The following MAML3 variants were observed in gnomAD, a reference collection of about 807,000 sequenced individuals.
The protein encoded by MAML3 is mastermind-like protein 3.
In MAML3, 27 loss-of-function variants were observed where a neutral mutation model predicts 101.9. The observed-to-expected ratio is 0.27, with a 90% CI of 0.20 to 0.37. The LOEUF (loss-of-function observed/expected upper bound fraction) is 0.37. Among genes scored for constraint, MAML3 ranks in the 10% least tolerant of loss-of-function variants. The probability of loss-of-function intolerance (pLI) is 1.00; values close to 1 mark genes in which losing one functional copy is unlikely to be tolerated. For missense variants in MAML3, 1,316 were observed against 1,444.9 expected (o/e 0.91, Z 1.45); for synonymous variants, 501 against 555.9 (o/e 0.90, Z 1.39).
intron 1 of MAML3, among the ~76,000 whole-genome samples, chr4:139,960,611 GA>G (rs1733993986): frequency 6.6e-6 from 1 of 152,176 alleles, no homozygotes; most frequent in Non-Finnish European, 1.5e-5. Context: ...AAGCCTCAAA[GA>G]GTTAGTAGAT....
rs776191123 is a variant in MAML3, at chr4:139,889,927, C to CTGTTGCTGT, written c.1508_1509insACAGCAACA (p.Gln508_Gln510dup). The CTGTTGCTGT allele has an allele frequency of 2.4e-6, 3 of 1,268,396 alleles. No homozygotes were observed. Among genetic ancestry groups the CTGTTGCTGT allele is most frequent in the Non-Finnish European group, 3.2e-6 (3 of 949,338 alleles). 78.6% of individuals were successfully genotyped at this position (1,268,396 alleles called of 1,614,324 possible). ...AGTGCTGTTGCTGCTGCTGCTGCTG[C>CTGTTGCTGT]TGCTGCTGCTGCTGCTGCTGCTGCT... On this transcript the variant is annotated inframe_insertion, in exon 2 of 5. Transcript: ENST00000509479.
intron 1 of MAML3, among the ~76,000 whole-genome samples, chr4:139,913,887 G>A (rs140633913): frequency 0.011 from 1,628 of 152,242 alleles, 25 homozygotes; most frequent in African/African-American, 0.037. Context: ...CTTGCTCTCT[G>A]CCTTTAAAAT....
intron 1 of MAML3, among the ~76,000 whole-genome samples, chr4:139,926,788 CATA>C (rs1733271981): frequency 6.6e-6 from 1 of 152,190 alleles, no homozygotes; most frequent in African/African-American, 2.4e-5. Flanking sequence ...ATAACCATAG[CATA>C]ATTATCCTCA....
At chr4:139,939,675 A>G (rs182547068) in intron 1 of MAML3, among the ~76,000 whole-genome samples, 1 of 151,796 alleles carries the variant, frequency 6.6e-6, no homozygotes, top group Non-Finnish European at 1.5e-5. Flanking sequence ...ATTCAACTAT[A>G]CATTCCGTGA....
At chr4:139,794,338 A>G (rs567687295) in intron 2 of MAML3, 1 of 152,308 alleles carries the variant, frequency 6.6e-6, no homozygotes, top group African/African-American at 2.4e-5. Context: ...GAAGGTGAGG[A>G]GGGAGGCAGA....
At chr4:139,908,056 G>A (rs1455490138) in intron 1 of MAML3, among the ~76,000 whole-genome samples, 1 of 152,154 alleles carries the variant, frequency 6.6e-6, no homozygotes, top group East Asian at 1.9e-4. Context: ...CGTCTCTCAT[G>A]GCCAAGCTGT....
At position 139,892,643 on chromosome 4, in the gene MAML3, A is replaced by G. The variant is rs139876411; in HGVS notation, c.469-1676T>C. On this transcript the variant is annotated intron_variant, in intron 1 of 4. Transcript: ENST00000509479. ...AAATAGACTGCCTTTCTTGTGTATA[A>G]CTCTGCAATGATTTCCACTGTCTTT... is the stretch of plus-strand genomic sequence containing the variant. 1.4e-3 allele frequency among the ~76,000 whole-genome samples: 208 copies of G among 151,102 alleles called. 4 individuals carry two copies. The East Asian group carries it at 0.037, about 27-fold the overall frequency.
In MAML3 at chr4:139,785,703, C is replaced by T. The variant is rs28459495; in HGVS notation, c.2080-55036G>A. Among the ~76,000 whole-genome samples the T allele has an allele frequency of 0.11, 16,269 of 151,926 alleles. 1,026 individuals carry two copies. Among genetic ancestry groups the T allele is most frequent in the African/African-American group, 0.17 (6,839 of 41,414 alleles). On this transcript the variant is annotated intron_variant, in intron 2 of 4. Coordinates refer to ENST00000509479, the MANE Select transcript of MAML3 (RefSeq NM_018717.5). The surrounding 1 kb of genome is among the most constrained non-coding windows in gnomAD (Gnocchi z 4.3). ...TTTTTCCTGTGATAAAACAGATTTC[C>T]TGAATTTAAAATGCTACTGAGGGTT...
At chr4:140,035,540 G>A (rs750551838) in intron 1 of MAML3, among the ~76,000 whole-genome samples, 6 of 152,174 alleles carry the variant, frequency 3.9e-5, no homozygotes, top group South Asian at 4.1e-4. Flanking sequence ...GCTCACGCCT[G>A]TAATCCCAGC....
chr4:139,719,384 A>C lies in MAML3; in HGVS notation c.3356T>G (p.Ile1119Ser). Residue 1119 changes from isoleucine to serine, a missense_variant, in exon 5 of 5, where the codon ATC becomes AGC. By Grantham distance (142) the Ile-to-Ser change is moderately radical. Transcript: ENST00000509479. Reference sequence around the variant, plus strand: ...CCACTCGTCCCCTGGCCCGCCTTTGATGATGGAGTCCACAAGGTCTGCACC... The same window carrying C: ...CCACTCGTCCCCTGGCCCGCCTTTGCTGATGGAGTCCACAAGGTCTGCACC... Reference protein sequence around the residue: ...PDGADLVDSIIKGGPGDEWMQ... With the variant: ...PDGADLVDSISKGGPGDEWMQ... 6.2e-7 allele frequency: 1 copy of C among 1,613,080 alleles called. No individual in the cohort carries two copies. Among genetic ancestry groups the C allele is most frequent in the East Asian group, 2.2e-5 (1 of 44,858 alleles).
intron 2 of MAML3, among the ~76,000 whole-genome samples, chr4:139,809,503 G>A (rs142926976): frequency 5.9e-5 from 9 of 152,256 alleles, no homozygotes; most frequent in South Asian, 4.1e-4. Flanking sequence ...CCCTTCCAAC[G>A]TAGCTTATGG....
intron 1 of MAML3, among the ~76,000 whole-genome samples, chr4:140,040,468 G>T (rs1294129385): frequency 6.6e-6 from 1 of 152,134 alleles, no homozygotes. Context: ...AACAAGTAAT[G>T]CAACTCTCCC....
At chr4:139,761,602 A>G (rs1729761950) in intron 2 of MAML3, among the ~76,000 whole-genome samples, 1 of 152,228 alleles carries the variant, frequency 6.6e-6, no homozygotes, top group Non-Finnish European at 1.5e-5. Flanking sequence ...TCATCCAGCA[A>G]GTATTCGCTG....
chr4:140,108,329 G>A (rs1439477835), intron 1 of MAML3, among the ~76,000 whole-genome samples: 1 of 151,814 alleles, frequency 6.6e-6, no homozygotes, highest in Non-Finnish European at 1.5e-5. Context: ...CCCAGTACAT[G>A]TCTATTATGG....
chr4:139,934,126 TATGTGTGAATGTC>T (rs1196538401), intron 1 of MAML3, among the ~76,000 whole-genome samples: 11 of 152,088 alleles, frequency 7.2e-5, no homozygotes, highest in African/African-American at 2.4e-5. Flanking sequence ...TGAATACGTG[TATGTGTGAATGTC>T]ATGTGTGAAT....
chr4:139,821,351 C>T (rs1730968607), intron 2 of MAML3, among the ~76,000 whole-genome samples: 1 of 152,144 alleles, frequency 6.6e-6, no homozygotes, highest in Admixed American at 6.5e-5. Flanking sequence ...TCAGCAGTGG[C>T]ATTAGATTCT....
At chr4:139,878,353 G>A (rs1732152005) in intron 2 of MAML3, among the ~76,000 whole-genome samples, 1 of 152,134 alleles carries the variant, frequency 6.6e-6, no homozygotes, top group South Asian at 2.1e-4. Flanking sequence ...AGGTAGCACT[G>A]ACTACTCGCT....
At chr4:140,019,491 G>A (rs1372979749) in intron 1 of MAML3, among the ~76,000 whole-genome samples, 1 of 152,202 alleles carries the variant, frequency 6.6e-6, no homozygotes, top group Non-Finnish European at 1.5e-5. Flanking sequence ...ATGAATGCAT[G>A]AACAAATAGA....
chr4:140,128,432 AC>A (rs1022678799), intron 1 of MAML3, among the ~76,000 whole-genome samples: 4 of 152,172 alleles, frequency 2.6e-5, no homozygotes, highest in Non-Finnish European at 4.4e-5. Context: ...TATCCAAAGT[AC>A]TATTTCAGAC....
Sources: gnomAD v4.1 joint callset for allele counts (sites outside exome capture counted in the v4.1 genomes callset) on GRCh38, gnomAD v4.1.1 for gene constraint, Gnocchi (gnomAD v3.1) non-coding constraint, MANE v1.5 for transcripts, NCBI Gene and HGNC (gene_info 2026-07-23, HGNC 2026-07-21) for gene names.